DPP6: variants seen among roughly 807,000 people sequenced by gnomAD.
The protein encoded by DPP6 is A-type potassium channel modulatory protein DPP6.
In DPP6, 69 loss-of-function variants were observed where a neutral mutation model predicts 122.6. The observed-to-expected ratio is 0.56, with a 90% CI of 0.46 to 0.69. The LOEUF is 0.69. DPP6 is among the 30% of genes least tolerant of loss of function. The probability of loss-of-function intolerance (pLI) is 0.00; values close to 1 mark genes in which losing one functional copy is unlikely to be tolerated. For missense variants in DPP6, 928 were observed against 1,116.9 expected, an observed-to-expected ratio of 0.83 and a Z score of 2.41; for synonymous variants, 418 against 433.1, an observed-to-expected ratio of 0.97 and a Z score of 0.43.
chr7:154,330,776 G>A (rs1045632766), intron 1 of DPP6, among the ~76,000 whole-genome samples: 13 of 152,178 alleles, frequency 8.5e-5, no homozygotes, highest in East Asian at 1.9e-4. Context: ...GGTGTTCTGC[G>A]TCTCAGCCCT....
the DPP6 span, among the ~76,000 whole-genome samples, chr7:153,792,910 C>T: frequency 6.6e-6 from 1 of 152,166 alleles, no homozygotes; most frequent in Non-Finnish European, 1.5e-5. Flanking sequence ...TCAGGGGTTT[C>T]TGCTTTTGCT....
intron 1 of DPP6, among the ~76,000 whole-genome samples, chr7:154,341,859 T>C (rs1009298786): frequency 6.6e-6 from 1 of 152,034 alleles, no homozygotes; most frequent in Non-Finnish European, 1.5e-5. Context: ...TAAAAGGCAA[T>C]ACATTTAGAA....
intron 7 of DPP6, among the ~76,000 whole-genome samples, chr7:154,707,530 A>G (rs1235579769): frequency 6.6e-6 from 1 of 152,200 alleles, no homozygotes; most frequent in Admixed American, 6.5e-5. Context: ...GAGCCCTTGC[A>G]TGCCAACTGC....
At chr7:154,547,714 C>T (rs1003049655) in intron 4 of DPP6, among the ~76,000 whole-genome samples, 1 of 152,170 alleles carries the variant, frequency 6.6e-6, no homozygotes, top group Non-Finnish European at 1.5e-5. Flanking sequence ...CTCTTTGTCC[C>T]CCTATGTCAT....
intron 10 of DPP6, among the ~76,000 whole-genome samples, chr7:154,787,970 G>T (rs923807839): frequency 6.6e-6 from 1 of 151,820 alleles, no homozygotes; most frequent in African/African-American, 2.4e-5. Flanking sequence ...CAAACTATTT[G>T]CCCAGTATTT....
intron 1 of DPP6, among the ~76,000 whole-genome samples, chr7:154,184,376 G>A (rs114482436): frequency 1.8e-4 from 28 of 152,104 alleles, no homozygotes; most frequent in African/African-American, 6.3e-4. Context: ...CCCAGAGGCC[G>A]AGAATGTCGT....
chr7:154,756,722 T>C (rs908014354), intron 8 of DPP6, among the ~76,000 whole-genome samples: 2 of 152,152 alleles, frequency 1.3e-5, no homozygotes, highest in Non-Finnish European at 2.9e-5. Flanking sequence ...GGATGGTCCT[T>C]GTCCATATTC....
At chr7:154,864,404 C>G (rs935065152) in intron 17 of DPP6, among the ~76,000 whole-genome samples, 1 of 152,192 alleles carries the variant, frequency 6.6e-6, no homozygotes, top group Non-Finnish European at 1.5e-5. Flanking sequence ...AGGCCTGAGT[C>G]TCTGCGGTCT....
At chr7:153,780,692 T>C in the DPP6 span, among the ~76,000 whole-genome samples, 1 of 151,988 alleles carries the variant, frequency 6.6e-6, no homozygotes, top group South Asian at 2.1e-4. Context: ...GGTTGAAAAA[T>C]GAGGAGTAAT....
intron 10 of DPP6, among the ~76,000 whole-genome samples, chr7:154,779,050 CCCCACCATCA>C (rs1423761146): frequency 4.9e-5 from 6 of 123,336 alleles, no homozygotes; most frequent in Non-Finnish European, 7.1e-5. Context: ...CCACAACTAC[CCCCACCATCA>C]CCACCATCAC....
chr7:154,266,606 T>G (rs1803436963), intron 1 of DPP6, among the ~76,000 whole-genome samples: 1 of 152,188 alleles, frequency 6.6e-6, no homozygotes, highest in Admixed American at 6.5e-5. Context: ...GAATATTTGT[T>G]CATTCTGTAC....
the DPP6 span, among the ~76,000 whole-genome samples, chr7:153,842,049 T>A: frequency 6.6e-6 from 1 of 152,142 alleles, no homozygotes; most frequent in African/African-American, 2.4e-5. Context: ...ATGGAAGGAG[T>A]TATTGTGAAA....
At position 154,471,397 on chromosome 7, in the gene DPP6, T is replaced by G. The variant is rs142854802; in HGVS notation, c.359-3542T>G. 3.4e-3 allele frequency among the ~76,000 whole-genome samples: 516 copies of G among 152,096 alleles called. 2 individuals are homozygous for G. Among genetic ancestry groups the G allele is most frequent in the Middle Eastern group, 0.01 (3 of 292 alleles). ...AGGAGGGAAGGCCAAATTTCCATCA[T>G]CCTCAAGTCATAGAGACTGAAGTCA... On this transcript the variant is annotated intron_variant, in intron 2 of 25. Coordinates refer to ENST00000377770, the MANE Select transcript of DPP6 (RefSeq NM_130797.4).
intron 2 of DPP6, among the ~76,000 whole-genome samples, chr7:154,465,498 T>G (rs1287738812): frequency 1.3e-5 from 2 of 151,924 alleles, no homozygotes; most frequent in Non-Finnish European, 2.9e-5. Flanking sequence ...TACAAAAAAC[T>G]TAAACAAATT....
At chr7:154,580,174 C>CAT (rs1205399122) in intron 5 of DPP6, among the ~76,000 whole-genome samples, 1 of 149,142 alleles carries the variant, frequency 6.7e-6, no homozygotes, top group African/African-American at 2.5e-5. Flanking sequence ...CACACACACA[C>CAT]ATGCACACAT....
At position 154,760,289 on chromosome 7, in the gene DPP6, T is replaced by C. The variant is rs1338598065; in HGVS notation, c.884-9128T>C. Among the ~76,000 whole-genome samples, 1 of 152,170 alleles carries C rather than the reference T, an allele frequency of 6.6e-6. No homozygotes were observed. Among genetic ancestry groups the C allele is most frequent in the African/African-American group, 2.4e-5 (1 of 41,440 alleles). On this transcript the variant is annotated intron_variant, in intron 8 of 25. Transcript: ENST00000377770. This position sits in a 1 kb window ranked among gnomAD's most constrained non-coding sequence, Gnocchi z 4.5. ...AGGAACGGGGAGGTTTGGAAAGTCC[T>C]TCAGCACACACAATTATTTCTTCAC...
chr7:154,623,677 G>T (rs1213541944), intron 5 of DPP6, among the ~76,000 whole-genome samples: 2 of 151,462 alleles, frequency 1.3e-5, no homozygotes, highest in Non-Finnish European at 2.9e-5. Flanking sequence ...ACACACACAC[G>T]CACATGCACA....
At chr7:154,626,693 T>C (rs923294629) in intron 5 of DPP6, among the ~76,000 whole-genome samples, 1 of 152,236 alleles carries the variant, frequency 6.6e-6, no homozygotes, top group Admixed American at 6.5e-5. Context: ...CAGTGACTAC[T>C]ATAAGTTAGT....
chr7:154,553,321 G>A (rs74791691), intron 4 of DPP6, among the ~76,000 whole-genome samples: 6,150 of 152,200 alleles, frequency 0.04, 421 homozygotes, highest in African/African-American at 0.14. Flanking sequence ...GGGGTTTTTC[G>A]AGACTTGCTC....
Sources: allele counts gnomAD v4.1 joint callset (sites outside exome capture counted in the v4.1 genomes callset), GRCh38; gene constraint gnomAD v4.1.1; non-coding constraint Gnocchi (gnomAD v3.1); transcripts MANE v1.5; gene names NCBI Gene and HGNC (gene_info 2026-07-23, HGNC 2026-07-21).